The following SASS6 variants were observed in gnomAD, a reference collection of about 807,000 sequenced individuals.
SASS6 encodes the protein SAS-6 centriolar assembly protein.
Under a neutral mutation model 94.9 loss-of-function variants are expected in SASS6, and 59 were observed. The ratio of observed to expected loss-of-function variants is 0.62; its 90% CI spans 0.50 to 0.77. SASS6 has a LOEUF of 0.77. Ranked by LOEUF, SASS6 falls within the 30% of genes least tolerant of loss-of-function variation. The pLI, the probability that SASS6 is intolerant of heterozygous loss-of-function variation, is 0.00. For missense variants in SASS6, 698 were observed against 734.1 expected, an observed-to-expected ratio of 0.95 and a Z score of 0.57; for synonymous variants, 264 against 270.0, an observed-to-expected ratio of 0.98 and a Z score of 0.22.
In SASS6 at chr1:100,091,233, A is replaced by G. The variant is rs1464602613; in HGVS notation, c.1675-2997T>C. ...GGCACAAGAATTGCTTGAACCCAGA[A>G]TTGCAGTGAGCTGAGATTGCACCAC... On this transcript the variant is annotated intron_variant, in intron 14 of 16. Coordinates refer to ENST00000287482, the MANE Select transcript of SASS6 (RefSeq NM_194292.3). 2.6e-5 allele frequency among the ~76,000 whole-genome samples: 4 copies of G among 152,246 alleles called. No individual in the cohort carries two copies. The East Asian group carries it at 7.7e-4, about 29-fold the overall frequency.
At chr1:100,110,193 G>C (rs751453099) in intron 8 of SASS6, 99 bp downstream of exon 8, 5 of 604,656 alleles carry the variant, frequency 8.3e-6, no homozygotes, top group Non-Finnish European at 1.4e-5. Flanking sequence ...CACCACAAGA[G>C]CATCCAGAGG....
At position 100,107,725 on chromosome 1, in the gene SASS6, A is replaced by C. The variant is rs1303058027; in HGVS notation, c.1057-8T>G. 6.3e-7 allele frequency: 1 copy of C among 1,581,380 alleles called. No individual in the cohort carries two copies. On this transcript the variant is annotated splice_region_variant and splice_polypyrimidine_tract_variant and intron_variant, in intron 9 of 16. Transcript: ENST00000287482. The stretch of plus-strand genomic sequence containing the variant: ...ATTTTCTTCTAAAACCACCTGATAT[A>C]TTTTTTAAAAACATGAATAATTAGG...
intron 12 of SASS6, among the ~76,000 whole-genome samples, chr1:100,106,604 C>A (rs1260656019): frequency 6.6e-6 from 1 of 152,118 alleles, no homozygotes; most frequent in Non-Finnish European, 1.5e-5. Context: ...CTAAACGCAG[C>A]AATCTGGGAG....
intron 2 of SASS6, among the ~76,000 whole-genome samples, chr1:100,124,906 C>T (rs534585217): frequency 3.9e-5 from 6 of 152,284 alleles, no homozygotes; most frequent in Non-Finnish European, 5.9e-5. Flanking sequence ...GACTCTAATG[C>T]CACCACTGAT....
intron 14 of SASS6, among the ~76,000 whole-genome samples, chr1:100,102,617 G>T (rs902226579): frequency 2.7e-5 from 4 of 149,648 alleles, no homozygotes; most frequent in Non-Finnish European, 5.9e-5. Flanking sequence ...GGCAGAGGCT[G>T]CAGTGAGCTG....
At chr1:100,105,312 A>G (rs1652815792) in intron 13 of SASS6, among the ~76,000 whole-genome samples, 1 of 152,148 alleles carries the variant, frequency 6.6e-6, no homozygotes, top group African/African-American at 2.4e-5. Flanking sequence ...GCAGATCATG[A>G]GGTCAGGAGA....
chr1:100,086,674 CTTTTTTTTTGGT>C (rs1651305005), intron 15 of SASS6, among the ~76,000 whole-genome samples: 1 of 150,424 alleles, frequency 6.6e-6, no homozygotes, highest in African/African-American at 2.4e-5. Flanking sequence ...CCATGTCTGG[CTTTTTTTTTGGT>C]TTTTTTCCTT....
At chr1:100,087,942 T>C (rs1319531862) in intron 15 of SASS6, among the ~76,000 whole-genome samples, 197 bp downstream of exon 15, 1 of 152,150 alleles carries the variant, frequency 6.6e-6, no homozygotes, top group Admixed American at 6.5e-5. Flanking sequence ...GAGTAGATTG[T>C]TGGAGGAGGA....
At chr1:100,122,508 A>AT (rs1215426572) in intron 3 of SASS6, 24 bp from the exon 4 acceptor site, 3 of 976,070 alleles carry the variant, frequency 3.1e-6, no homozygotes, top group Admixed American at 2.4e-5. Context: ...AGGAAAAGAA[A>AT]TTTTTTAAAA....
At chr1:100,090,870 C>T (rs1313033505) in intron 14 of SASS6, among the ~76,000 whole-genome samples, 1 of 152,104 alleles carries the variant, frequency 6.6e-6, no homozygotes, top group Non-Finnish European at 1.5e-5. Context: ...CTCTTAGGCT[C>T]ACTTATGAGC....
At chr1:100,117,986 A>G (rs571225126) in intron 7 of SASS6, among the ~76,000 whole-genome samples, 25 of 152,302 alleles carry the variant, frequency 1.6e-4, no homozygotes, top group Non-Finnish European at 3.2e-4. Context: ...AATATAAAAT[A>G]AAACTAGTAC....
chr1:100,095,160 T>C (rs1652027546), intron 14 of SASS6, among the ~76,000 whole-genome samples: 1 of 152,204 alleles, frequency 6.6e-6, no homozygotes, highest in African/African-American at 2.4e-5. Flanking sequence ...GCTAATATGC[T>C]TATGATGAAA....
At chr1:100,115,295 T>A (rs949580770) in intron 7 of SASS6, among the ~76,000 whole-genome samples, 3 of 152,292 alleles carry the variant, frequency 2.0e-5, no homozygotes, top group Middle Eastern at 3.4e-3. Flanking sequence ...AGGGAGTGGA[T>A]GGTCTCATTT....
intron 8 of SASS6, among the ~76,000 whole-genome samples, chr1:100,109,433 A>G (rs1399362441): frequency 6.6e-6 from 1 of 152,048 alleles, no homozygotes; most frequent in Non-Finnish European, 1.5e-5. Context: ...CCTGTAATCA[A>G]TGCCAAAGCA....
At chr1:100,124,949 C>T (rs1393909458) in intron 2 of SASS6, among the ~76,000 whole-genome samples, 2 of 152,142 alleles carry the variant, frequency 1.3e-5, no homozygotes, top group African/African-American at 4.8e-5. Context: ...AGGTTACACT[C>T]GCTTCCCTGC....
At chr1:100,111,365 C>T (rs1233325127) in intron 7 of SASS6, among the ~76,000 whole-genome samples, 2 of 152,008 alleles carry the variant, frequency 1.3e-5, no homozygotes, top group Non-Finnish European at 2.9e-5. Flanking sequence ...TTTGCACCTT[C>T]TCACATCATT....
chr1:100,127,634 T>G (rs1654712206), intron 1 of SASS6, among the ~76,000 whole-genome samples: 1 of 152,216 alleles, frequency 6.6e-6, no homozygotes, highest in Non-Finnish European at 1.5e-5. Context: ...CTGTTGCTAT[T>G]TTTCTAGTAT....
At chr1:100,123,932 A>T (rs1654385111) in intron 2 of SASS6, among the ~76,000 whole-genome samples, 1 of 152,236 alleles carries the variant, frequency 6.6e-6, no homozygotes, top group African/African-American at 2.4e-5. Context: ...CCATCATAAC[A>T]GCTAGAGCTC....
At chr1:100,115,076 T>A (rs1314643640) in intron 7 of SASS6, among the ~76,000 whole-genome samples, 1 of 152,146 alleles carries the variant, frequency 6.6e-6, no homozygotes. Context: ...AATTCCACTA[T>A]TATTTTTCTG....
Sources: gnomAD v4.1 joint callset for allele counts (sites outside exome capture counted in the v4.1 genomes callset) on GRCh38, gnomAD v4.1.1 for gene constraint, MANE v1.5 for transcripts, NCBI Gene and HGNC (gene_info 2026-07-23, HGNC 2026-07-21) for gene names.